KLF12: variants seen among roughly 807,000 people sequenced by gnomAD.
KLF12 encodes KLF transcription factor 12.
A neutral mutation model predicts 37.8 loss-of-function variants in KLF12; 9 were observed. That is an observed-to-expected ratio of 0.24 (90% CI 0.14 to 0.42). The LOEUF (loss-of-function observed/expected upper bound fraction) is 0.42, where lower values mean the gene tolerates loss of function less well. Among genes scored for constraint, KLF12 ranks in the 10% least tolerant of loss-of-function variants. The pLI, the probability that KLF12 is intolerant of heterozygous loss-of-function variation, is 1.00. For synonymous variants in KLF12, 208 were observed against 202.1 expected, an observed-to-expected ratio of 1.03 and a Z score of -0.25; for missense variants, 411 against 516.0, an observed-to-expected ratio of 0.80 and a Z score of 1.97.
At chr13:74,173,552 G>A in the KLF12 span, among the ~76,000 whole-genome samples, 6 of 152,200 alleles carry the variant, frequency 3.9e-5, no homozygotes, top group African/African-American at 1.4e-4. Context: ...AGGCAGTGGA[G>A]ATAGCTGATA....
chr13:74,036,288 T>A (rs970353871), intron 1 of KLF12, among the ~76,000 whole-genome samples: 46 of 152,224 alleles, frequency 3.0e-4, no homozygotes, highest in Non-Finnish European at 6.8e-4. Flanking sequence ...AAGAGACTCT[T>A]AGTTCTTCAA....
Position 73,769,339 on chromosome 13 carries a change from A to C in KLF12, c.807-4339T>G, listed in dbSNP as rs551421837. The stretch of plus-strand genomic sequence containing the variant: ...CTCCATGTTTTCAAATCTAATGGTG[A>C]ATTCTTAGTCCTCAACTTCTCAGCA... On this transcript the variant is annotated intron_variant, in intron 5 of 7. Coordinates refer to ENST00000377669, the MANE Select transcript of KLF12 (RefSeq NM_007249.5). Among the ~76,000 whole-genome samples, 5 of 152,298 alleles carry C rather than the reference A, an allele frequency of 3.3e-5. No individual in the cohort carries two copies. The South Asian group carries it at 1.0e-3, about 32-fold the overall frequency.
intron 1 of KLF12, among the ~76,000 whole-genome samples, chr13:74,041,007 A>C (rs1228259152): frequency 6.6e-6 from 1 of 152,222 alleles, no homozygotes; most frequent in Non-Finnish European, 1.5e-5. Flanking sequence ...TTGCCGCAAC[A>C]GTTGTCTAGG....
the KLF12 span, among the ~76,000 whole-genome samples, chr13:74,149,863 G>A: frequency 0.013 from 1,911 of 152,134 alleles, 51 homozygotes; most frequent in African/African-American, 0.044. Flanking sequence ...AGATCATCCC[G>A]TCCAGCTGTG....
chr13:74,093,413 G>A lies in KLF12; in HGVS notation c.-32+40326C>T, dbSNP rs894858271. Among the ~76,000 whole-genome samples, 6 of 152,040 alleles carry A rather than the reference G, an allele frequency of 3.9e-5. No homozygotes were observed. In the East Asian group the frequency reaches 5.8e-4, roughly 15 times the overall value. On this transcript the variant is annotated intron_variant, in intron 1 of 7. Transcript: ENST00000377669. ...AGCTCAAATGTGTTACCTGATCTCC[G>A]TTCCATATTTCCAACATTGTGAGCA...
the KLF12 span, among the ~76,000 whole-genome samples, chr13:74,234,786 T>A: frequency 6.6e-6 from 1 of 152,168 alleles, no homozygotes; most frequent in Non-Finnish European, 1.5e-5. Context: ...CCAAATCTCT[T>A]TTGCCTGCTG....
the KLF12 span, among the ~76,000 whole-genome samples, chr13:74,286,826 T>G: frequency 3.3e-5 from 5 of 152,196 alleles, no homozygotes; most frequent in Non-Finnish European, 7.3e-5. Context: ...TCATCGTGAA[T>G]GGATTCAGTG....
At chr13:74,300,388 G>T in the KLF12 span, among the ~76,000 whole-genome samples, 1 of 152,154 alleles carries the variant, frequency 6.6e-6, no homozygotes. Flanking sequence ...CAAGAATGGG[G>T]TTGTTAAAGA....
At chr13:73,923,261 A>G (rs902320972) in intron 3 of KLF12, among the ~76,000 whole-genome samples, 2 of 152,174 alleles carry the variant, frequency 1.3e-5, no homozygotes, top group Admixed American at 6.5e-5. Context: ...TTGGCTTGGA[A>G]CTTGGAAATA....
the KLF12 span, among the ~76,000 whole-genome samples, chr13:74,153,853 T>C: frequency 6.6e-6 from 1 of 152,200 alleles, no homozygotes; most frequent in Admixed American, 6.5e-5. Flanking sequence ...CCTGAATTTT[T>C]AACCCTTTAC....
chr13:74,301,835 G>A, the KLF12 span, among the ~76,000 whole-genome samples: 15 of 151,972 alleles, frequency 9.9e-5, no homozygotes, highest in Non-Finnish European at 4.4e-5. Flanking sequence ...ATTCTTGCCC[G>A]CCCCAATTTT....
In KLF12 at chr13:73,810,982, C is replaced by CTTTCTTTTTTTTTTTTTTTTTTTTTTT. The variant is rs1555308731; in HGVS notation, c.806+2169_806+2170insAAAAAAAAAAAAAAAAAAAAAAAGAAA. ...ATGTTTATTTTTTTAATTTTTCTTT[C>CTTTCTTTTTTTTTTTTTTTTTTTTTTT]TTTTTTTTTTTTTTTTTTTTTTTTT... On this transcript the variant is annotated intron_variant, in intron 5 of 7. Coordinates refer to ENST00000377669, the MANE Select transcript of KLF12 (RefSeq NM_007249.5). 2.7e-4 allele frequency among the ~76,000 whole-genome samples: 12 copies of CTTTCTTTTTTTTTTTTTTTTTTTTTTT among 44,808 alleles called. 1 individual carries two copies. The highest frequency in any genetic ancestry group is 8.4e-4 in the African/African-American group (10 of 11,860). 29.4% of individuals were successfully genotyped at this position (44,808 alleles called of 152,430 possible).
the KLF12 span, among the ~76,000 whole-genome samples, chr13:74,256,154 C>CA: frequency 0.064 from 4,854 of 75,380 alleles, 267 homozygotes; most frequent in African/African-American, 0.19. Flanking sequence ...GACTCTGTCT[C>CA]AAAAAAAAAA....
chr13:73,810,940 CAAGTAAG>C (rs1191321762), intron 5 of KLF12, among the ~76,000 whole-genome samples: 2 of 138,942 alleles, frequency 1.4e-5, no homozygotes, highest in African/African-American at 2.7e-5. Flanking sequence ...TAGAGATACA[CAAGTAAG>C]AGATAAACAA....
At chr13:73,756,549 C>T (rs1404391377) in intron 6 of KLF12, among the ~76,000 whole-genome samples, 1 of 152,152 alleles carries the variant, frequency 6.6e-6, no homozygotes, top group Non-Finnish European at 1.5e-5. Flanking sequence ...AAACGTAAGG[C>T]ATTACGACCT....
intron 3 of KLF12, among the ~76,000 whole-genome samples, chr13:73,893,091 C>T (rs1172969512): frequency 6.6e-6 from 1 of 151,778 alleles, no homozygotes; most frequent in East Asian, 1.9e-4. Context: ...CCAAAGCAGG[C>T]TTTCTAACAT....
the KLF12 span, among the ~76,000 whole-genome samples, chr13:74,157,511 T>C: frequency 6.6e-6 from 1 of 152,180 alleles, no homozygotes; most frequent in African/African-American, 2.4e-5. Context: ...TTGGCTATGC[T>C]CACCCACCCT....
intron 2 of KLF12, among the ~76,000 whole-genome samples, chr13:73,950,405 T>C (rs1375599416): frequency 6.6e-6 from 1 of 152,210 alleles, no homozygotes; most frequent in African/African-American, 2.4e-5. Flanking sequence ...GGGCAGAGGA[T>C]GGTTAAAATG....
At chr13:73,701,087 T>A (rs1423616923) in intron 7 of KLF12, among the ~76,000 whole-genome samples, 2 of 152,154 alleles carry the variant, frequency 1.3e-5, no homozygotes, top group East Asian at 3.8e-4. Flanking sequence ...AAGCTAAATA[T>A]AATTTTTAAG....
Sources: gnomAD v4.1 joint callset for allele counts (sites outside exome capture counted in the v4.1 genomes callset) on GRCh38, gnomAD v4.1.1 for gene constraint, MANE v1.5 for transcripts, NCBI Gene and HGNC (gene_info 2026-07-23, HGNC 2026-07-21) for gene names.